Variants in SLC9C1 observed in about 807,000 individuals in gnomAD.
SLC9C1 encodes the protein solute carrier family 9 member C1.
A neutral mutation model predicts 140.9 loss-of-function variants in SLC9C1; 97 were observed. The observed-to-expected ratio is 0.69, with a 90% CI of 0.58 to 0.82. SLC9C1 has a LOEUF of 0.82. Among genes scored for constraint, SLC9C1 ranks in the 40% least tolerant of loss-of-function variants. The pLI, the probability that SLC9C1 is intolerant of heterozygous loss-of-function variation, is 0.00. For missense variants in SLC9C1, 1,340 were observed against 1,389.3 expected (o/e 0.96, Z 0.56); for synonymous variants, 440 against 442.6 (o/e 0.99, Z 0.07).
intron 11 of SLC9C1, among the ~76,000 whole-genome samples, chr3:112,240,595 A>G (rs529334830): frequency 1.2e-4 from 18 of 152,360 alleles, no homozygotes; most frequent in African/African-American, 4.1e-4. Context: ...GTCTTTGAGC[A>G]GGGACTTCAG....
intron 17 of SLC9C1, among the ~76,000 whole-genome samples, chr3:112,203,654 T>A (rs1469370343): frequency 6.6e-6 from 1 of 151,998 alleles, no homozygotes; most frequent in African/African-American, 2.4e-5. Flanking sequence ...TATATCTGCA[T>A]TCATATATAT....
At chr3:112,231,511 C>G in intron 12 of SLC9C1, 25 bp from the exon 13 acceptor site, 1 of 1,570,368 alleles carries the variant, frequency 6.4e-7, no homozygotes, top group Non-Finnish European at 8.6e-7. Context: ...AATAAAAGAA[C>G]AAAAAATACA....
At chr3:112,150,840 A>ATTTT (rs1180027200) in intron 28 of SLC9C1, among the ~76,000 whole-genome samples, 12 of 57,324 alleles carry the variant, frequency 2.1e-4, no homozygotes, top group African/African-American at 6.4e-4. Flanking sequence ...ATATATATAT[A>ATTTT]TTTTTTTTTT....
rs60033604 is a variant in SLC9C1 at position 112,177,532 on chromosome 3, G to A, written c.2919+1999C>T. Among the ~76,000 whole-genome samples the A allele has an allele frequency of 6.8e-3, 1,011 of 149,222 alleles. 11 individuals carry two copies. The highest frequency in any genetic ancestry group is 0.023 in the African/African-American group (926 of 40,416). On this transcript the variant is annotated intron_variant, in intron 23 of 28. Coordinates refer to ENST00000305815, the MANE Select transcript of SLC9C1 (RefSeq NM_183061.3). ...TCTCATTTCTCAGCTTAGCAGGATCGCCATCTTCTGCTTGGATTCTTATTG... is the reference window on the plus strand; with the variant it reads ...TCTCATTTCTCAGCTTAGCAGGATCACCATCTTCTGCTTGGATTCTTATTG...
At chr3:112,205,121 T>C (rs2078010681) in intron 16 of SLC9C1, among the ~76,000 whole-genome samples, 1 of 152,088 alleles carries the variant, frequency 6.6e-6, no homozygotes, top group Non-Finnish European at 1.5e-5. Context: ...TGTCCCTGTT[T>C]GCAGATGACA....
At chr3:112,141,742 TTTA>T (rs2074631188) in intron 28 of SLC9C1, among the ~76,000 whole-genome samples, 1 of 152,200 alleles carries the variant, frequency 6.6e-6, no homozygotes, top group African/African-American at 2.4e-5. Context: ...AATCATGCTT[TTTA>T]TTATAAAATC....
intron 28 of SLC9C1, among the ~76,000 whole-genome samples, chr3:112,144,287 C>T (rs899912407): frequency 6.6e-6 from 1 of 150,670 alleles, no homozygotes; most frequent in Non-Finnish European, 1.5e-5. Context: ...AAGCAATTCT[C>T]CTGCCTCAGC....
intron 12 of SLC9C1, among the ~76,000 whole-genome samples, chr3:112,238,286 G>A (rs998492318): frequency 6.6e-5 from 10 of 152,110 alleles, no homozygotes; most frequent in African/African-American, 1.4e-4. Flanking sequence ...CGTAGTTCTC[G>A]TGCCATGGTT....
At chr3:112,238,247 A>T (rs1043124679) in intron 12 of SLC9C1, among the ~76,000 whole-genome samples, 1 of 152,158 alleles carries the variant, frequency 6.6e-6, no homozygotes, top group Non-Finnish European at 1.5e-5. Context: ...AGTTGATTGA[A>T]TCGGCTACTG....
At chr3:112,235,653 A>G (rs2078963131) in intron 12 of SLC9C1, among the ~76,000 whole-genome samples, 1 of 152,124 alleles carries the variant, frequency 6.6e-6, no homozygotes, top group Admixed American at 6.6e-5. Context: ...CGTCCCATCA[A>G]TACTATTAAG....
intron 12 of SLC9C1, among the ~76,000 whole-genome samples, chr3:112,234,724 T>G (rs894344229): frequency 1.3e-5 from 2 of 152,248 alleles, no homozygotes; most frequent in African/African-American, 2.4e-5. Flanking sequence ...GCACCGTTTG[T>G]TAAATAGGGA....
intron 7 of SLC9C1, among the ~76,000 whole-genome samples, chr3:112,266,767 C>G (rs1350102956): frequency 6.6e-6 from 1 of 152,110 alleles, no homozygotes; most frequent in East Asian, 1.9e-4. Context: ...TGTGGATATG[C>G]TACTTTTATC....
chr3:112,245,784 C>CA (rs1478130833), intron 10 of SLC9C1, among the ~76,000 whole-genome samples: 2 of 152,076 alleles, frequency 1.3e-5, no homozygotes, highest in African/African-American at 4.8e-5. Flanking sequence ...AGTATAGTGA[C>CA]ATCCTAATAA....
chr3:112,280,028 T>C (rs1320193651), intron 3 of SLC9C1, among the ~76,000 whole-genome samples: 1 of 152,222 alleles, frequency 6.6e-6, no homozygotes, highest in East Asian at 1.9e-4. Flanking sequence ...GTCAAAATCA[T>C]ATGATTACAA....
At chr3:112,182,048 T>C in intron 21 of SLC9C1, 85 bp downstream of exon 21, 1 of 1,034,026 alleles carries the variant, frequency 9.7e-7, no homozygotes, top group Admixed American at 3.6e-5. Flanking sequence ...AATATTAAAC[T>C]AGAGAGTATC....
chr3:112,188,542 A>G (rs1183109231), intron 20 of SLC9C1, among the ~76,000 whole-genome samples: 1 of 152,154 alleles, frequency 6.6e-6, no homozygotes, highest in Non-Finnish European at 1.5e-5. Flanking sequence ...AGCTTCATCC[A>G]TGTCCCTGCA....
chr3:112,188,252 ATATTT>A (rs1422545969), intron 20 of SLC9C1, among the ~76,000 whole-genome samples: 1 of 152,136 alleles, frequency 6.6e-6, no homozygotes, highest in African/African-American at 2.4e-5. Context: ...TATTATTATT[ATATTT>A]TAAGTTCTAG....
At chr3:112,146,203 T>G (rs988229592) in intron 28 of SLC9C1, among the ~76,000 whole-genome samples, 2 of 152,066 alleles carry the variant, frequency 1.3e-5, no homozygotes, top group African/African-American at 4.8e-5. Flanking sequence ...ATTTGGAGCT[T>G]TCTTTTTTTT....
chr3:112,204,372 T>C lies in SLC9C1; in HGVS notation c.2018A>G (p.His673Arg), dbSNP rs781021983. The change falls in exon 17 of 29, where the codon CAT becomes CGT. Residue 673 changes from histidine to arginine, a missense_variant. By Grantham distance (29) the His-to-Arg change is conservative. Coordinates refer to ENST00000305815, the MANE Select transcript of SLC9C1 (RefSeq NM_183061.3). ...IAAMRKDFFS[H>R]AWNIFELAIT... Reference sequence around the variant, plus strand: ...TGCTAACTCGAATATGTTCCAGGCATGTGAAAAAAAGTCCTTCCTCATTGC... The same window carrying C: ...TGCTAACTCGAATATGTTCCAGGCACGTGAAAAAAAGTCCTTCCTCATTGC... 1.3e-6 allele frequency: 2 copies of C among 1,570,286 alleles called. No homozygotes were observed. The highest frequency in any genetic ancestry group is 1.4e-5 in the African/African-American group (1 of 72,128).
Sources: allele counts gnomAD v4.1 joint callset (sites outside exome capture counted in the v4.1 genomes callset), GRCh38; gene constraint gnomAD v4.1.1; transcripts MANE v1.5; gene names NCBI Gene and HGNC (gene_info 2026-07-23, HGNC 2026-07-21).